The following RMDN1 variants were observed in gnomAD, a reference collection of about 807,000 sequenced individuals.
The protein encoded by RMDN1 is regulator of microtubule dynamics 1, also known as regulator of microtubule dynamics protein 1.
A neutral mutation model predicts 48.9 loss-of-function variants in RMDN1; 48 were observed. The ratio of observed to expected loss-of-function variants is 0.98; its 90% CI spans 0.78 to 1.25. The LOEUF is 1.25. Among genes scored for constraint, RMDN1 ranks in the 50% most tolerant of loss-of-function variants. RMDN1 has a pLI of 0.00. For missense variants in RMDN1, 418 were observed against 373.4 expected, an observed-to-expected ratio of 1.12 and a Z score of -0.98; for synonymous variants, 148 against 132.6, an observed-to-expected ratio of 1.12 and a Z score of -0.80.
chr8:86,479,038 A>C, intron 6 of RMDN1, 28 bp from the exon 7 acceptor site: 3 of 1,476,692 alleles, frequency 2.0e-6, no homozygotes, highest in Non-Finnish European at 2.8e-6. Flanking sequence ...AATTTTATAC[A>C]TTCAAATTGT....
chr8:86,513,776 G>A (rs916028691), intron 1 of RMDN1, among the ~76,000 whole-genome samples: 4 of 152,124 alleles, frequency 2.6e-5, no homozygotes, highest in African/African-American at 9.7e-5. Flanking sequence ...CATTAAGAAT[G>A]CCCTAAATAA....
chr8:86,510,778 TAG>T (rs986203603), upstream of RMDN1, among the ~76,000 whole-genome samples: 2 of 152,128 alleles, frequency 1.3e-5, no homozygotes, highest in African/African-American at 4.8e-5. Context: ...AAGTAAAGCA[TAG>T]AGAGTTGGAG....
intron 8 of RMDN1, among the ~76,000 whole-genome samples, chr8:86,475,665 C>T (rs541615102): frequency 1.3e-5 from 2 of 152,238 alleles, no homozygotes; most frequent in East Asian, 3.9e-4. Flanking sequence ...CTTAATTCTT[C>T]ACAAAGTGTC....
intron 2 of RMDN1, chr8:86,505,472 G>C (rs1247530706): frequency 7.4e-6 from 3 of 406,094 alleles, no homozygotes; most frequent in Admixed American, 7.2e-5. Context: ...GAAGGCAGAC[G>C]GGGTTTATGT....
chr8:86,482,691 C>A (rs1307369906), intron 5 of RMDN1: 60 of 964,700 alleles, frequency 6.2e-5, no homozygotes, highest in Non-Finnish European at 3.4e-6. Context: ...AGTTCATGAT[C>A]AAGGGGACCC....
intron 2 of RMDN1, chr8:86,504,196 T>G (rs1458060071): frequency 5.2e-6 from 8 of 1,526,974 alleles, no homozygotes; most frequent in Non-Finnish European, 6.4e-6. Context: ...CCTTCCATTT[T>G]GCCCTGAAAG....
rs1812721313 is a variant in RMDN1 at position 86,472,583 on chromosome 8, A to G, written c.*1725T>C. On this transcript the variant is annotated 3_prime_UTR_variant, in exon 10 of 10. Transcript: ENST00000406452. ...GTTGTTGCCGTTTAACAGCTGATAC[A>G]GGTTTCTGGTGATGCTACTGTTGCC... 6.0e-6 allele frequency: 4 copies of G among 669,716 alleles called. No homozygotes were observed. In the Admixed American group the frequency reaches 6.9e-5, roughly 11 times the overall value. The allele number at this position is 669,716 out of a possible 1,614,324, so 41.5% of individuals were successfully genotyped here.
Position 86,503,717 on chromosome 8 carries a change from G to A in RMDN1, c.247+3278C>T, listed in dbSNP as rs553578074. On this transcript the variant is annotated intron_variant, in intron 2 of 9. Coordinates refer to ENST00000406452, the MANE Select transcript of RMDN1 (RefSeq NM_016033.3). ...GGAATTTATCAATAACACTTTGAGTGACCAGGCAAATATCCCTCCCTCTGA... is the reference window on the plus strand; with the variant it reads ...GGAATTTATCAATAACACTTTGAGTAACCAGGCAAATATCCCTCCCTCTGA... 3 of 473,650 alleles carry A rather than the reference G, an allele frequency of 6.3e-6. No individual in the cohort carries two copies. The Admixed American group carries it at 7.6e-5, about 12-fold the overall frequency. 29.3% of individuals were successfully genotyped at this position (473,650 alleles called of 1,614,324 possible). A position where few individuals can be genotyped will look rare whatever the true frequency, so the allele number is the denominator to read the frequency against.
intron 2 of RMDN1, chr8:86,504,402 C>A: frequency 6.4e-7 from 1 of 1,560,910 alleles, no homozygotes; most frequent in Non-Finnish European, 8.8e-7. Flanking sequence ...TCATCATTTC[C>A]ATTGTGCTCC....
At chr8:86,511,484 AAAG>A (rs980380789), upstream of RMDN1, among the ~76,000 whole-genome samples, 2 of 151,558 alleles carry the variant, frequency 1.3e-5, no homozygotes, top group African/African-American at 4.9e-5. Context: ...AAGAAAAAAA[AAAG>A]AGAGAGAAAA....
Position 86,477,296 on chromosome 8 carries a change from T to G in RMDN1, c.758A>C (p.Gln253Pro). ...ATGTGTAATCAAAAATACCTTACCT[T>G]GTTCTGCCCTGTGAAAGTAGCCTAA... ...KALGYFHRAE[Q>P]VDPNFYSKNL... is the part of the protein sequence containing the mutation. The change falls in exon 8 of 10, where the codon CAA (glutamine) becomes CCA (proline). Residue 253 changes from glutamine to proline, a missense_variant and splice_region_variant. Gln to Pro is a moderately conservative substitution (Grantham distance 76). Coordinates refer to ENST00000406452, the MANE Select transcript of RMDN1 (RefSeq NM_016033.3). 1 of 1,599,954 alleles carries G rather than the reference T, an allele frequency of 6.3e-7. No homozygotes were observed. The highest frequency in any genetic ancestry group is 8.5e-7 in the Non-Finnish European group (1 of 1,172,830).
chr8:86,495,284 C>T (rs1482522840), intron 2 of RMDN1, among the ~76,000 whole-genome samples: 1 of 152,120 alleles, frequency 6.6e-6, no homozygotes, highest in Non-Finnish European at 1.5e-5. Context: ...GTAAGTGAAA[C>T]TGGTGTGGAG....
intron 5 of RMDN1, among the ~76,000 whole-genome samples, chr8:86,483,351 T>C (rs1213350034): frequency 2.0e-5 from 3 of 152,222 alleles, no homozygotes; most frequent in East Asian, 3.8e-4. Flanking sequence ...CTTTGGAAGT[T>C]ATGTCATGTA....
At chr8:86,497,560 G>A (rs1438362725) in intron 2 of RMDN1, among the ~76,000 whole-genome samples, 1 of 151,882 alleles carries the variant, frequency 6.6e-6, no homozygotes, top group Admixed American at 6.6e-5. Flanking sequence ...AATTAGCCAG[G>A]CATGGTGGCA....
rs140973716 is a variant in RMDN1, at chr8:86,489,840, A to AG, written c.248-1202dup. Among the ~76,000 whole-genome samples, 106 of 141,960 alleles carry AG rather than the reference A, an allele frequency of 7.5e-4. 1 individual carries two copies. Among genetic ancestry groups the AG allele is most frequent in the African/African-American group, 2.2e-3 (83 of 38,076 alleles). The allele number at this position is 141,960 out of a possible 152,430, so 93.1% of individuals were successfully genotyped here. On this transcript the variant is annotated intron_variant, in intron 2 of 9. Transcript: ENST00000406452. Reference sequence around the variant, plus strand: ...GCAAGACTCTGTCTCAAAAAAAAAAAGGGGGGGGATGGGGGTAGTTCTAGT... The same window carrying AG: ...GCAAGACTCTGTCTCAAAAAAAAAAAGGGGGGGGGATGGGGGTAGTTCTAGT...
At position 86,472,657 on chromosome 8, in the gene RMDN1, A is replaced by AT. The variant is rs528786009; in HGVS notation, c.*1650dup. 0.028 allele frequency: 11,532 copies of AT among 416,062 alleles called. 9 individuals carry two copies. Among genetic ancestry groups the AT allele is most frequent in the South Asian group, 0.035 (1,026 of 29,154 alleles). 25.8% of individuals were successfully genotyped at this position (416,062 alleles called of 1,614,324 possible). The stretch of plus-strand genomic sequence containing the variant: ...TTTCACTGTATCAGTGGTGTGTCAT[A>AT]TTTTTTTTTTTGCCATCCTTGTTCC... On this transcript the variant is annotated 3_prime_UTR_variant, in exon 10 of 10. Transcript: ENST00000406452.
At chr8:86,470,185 T>TAAC (rs1293131878), downstream of RMDN1, 1 of 1,288,770 alleles carries the variant, frequency 7.8e-7, no homozygotes, top group East Asian at 5.5e-5. Context: ...ATGTATGTAA[T>TAAC]AACACTTAGA....
intron 2 of RMDN1, among the ~76,000 whole-genome samples, chr8:86,492,163 G>A (rs569882050): frequency 6.6e-6 from 1 of 151,356 alleles, no homozygotes; most frequent in East Asian, 1.9e-4. Context: ...AAGTGATAAA[G>A]AACCTTTAAT....
At chr8:86,514,222 T>G (rs928362903) in intron 1 of RMDN1, 2 of 979,912 alleles carry the variant, frequency 2.0e-6, no homozygotes, top group African/African-American at 3.5e-5. Context: ...GAATTTATTT[T>G]GGTGCACCAA....
Sources: gnomAD v4.1 joint callset for allele counts (sites outside exome capture counted in the v4.1 genomes callset) on GRCh38, gnomAD v4.1.1 for gene constraint, MANE v1.5 for transcripts, NCBI Gene and HGNC (gene_info 2026-07-23, HGNC 2026-07-21) for gene names.